Variants in SFI1 observed in about 807,000 individuals in gnomAD.
SFI1 encodes SFI1 centrin binding protein, also known as protein SFI1 homolog.
Under a neutral mutation model 207.5 loss-of-function variants are expected in SFI1, and 195 were observed. The observed-to-expected ratio is 0.94, with a 90% CI of 0.84 to 1.06. SFI1 has a LOEUF of 1.06. Among genes scored for constraint, SFI1 ranks in the 50% least tolerant of loss-of-function variants. SFI1 has a pLI of 0.00. For missense variants in SFI1, 1,634 were observed against 1,588.0 expected (o/e 1.03, Z -0.49); for synonymous variants, 630 against 598.9 (o/e 1.05, Z -0.76).
intron 29 of SFI1, 60 bp downstream of exon 29, chr22:31,615,339 GC>G: frequency 7.4e-7 from 1 of 1,356,460 alleles, no homozygotes; most frequent in South Asian, 1.7e-5. Flanking sequence ...GACTTCTGGT[GC>G]TTTCTCATGC....
At chr22:31,611,409 C>A in intron 23 of SFI1, 106 bp downstream of exon 23, 2 of 1,357,758 alleles carry the variant, frequency 1.5e-6, no homozygotes, top group Non-Finnish European at 2.0e-6. Context: ...GCACTCCATG[C>A]AGCCGGTATG....
chr22:31,530,170 T>G (rs1324943040), intron 3 of SFI1, among the ~76,000 whole-genome samples: 1 of 9,862 alleles, frequency 1.0e-4, no homozygotes, highest in Non-Finnish European at 2.1e-4. Context: ...AGACTCCATC[T>G]CAAAAAAAAA....
At position 31,546,903 on chromosome 22, in the gene SFI1, A is replaced by C. The variant is rs1443393691; in HGVS notation, c.381A>C (p.Glu127Asp). Residue 127 changes from glutamate (E) to aspartate (D), a missense_variant, in exon 5 of 33, where the codon GAA (glutamate) becomes GAC (aspartate). Physicochemically the swap from Glu to Asp is conservative, Grantham distance 45. Coordinates refer to ENST00000400288, the MANE Select transcript of SFI1 (RefSeq NM_001007467.3). ...EQRLLRKVFE[E>D]WKEEWWVFQH... ...GATTACTACGGAAGGTCTTCGAAGA[A>C]TGGAAAGAGGAGTGGTGGGTTTTCC... 6.2e-7 allele frequency: 1 copy of C among 1,612,664 alleles called. No individual in the cohort carries two copies. The highest frequency in any genetic ancestry group is 1.7e-5 in the Admixed American group (1 of 59,828).
At chr22:31,538,718 A>G (rs1036962442) in intron 4 of SFI1, 1 of 152,200 alleles carries the variant, frequency 6.6e-6, no homozygotes, top group Non-Finnish European at 1.5e-5. Flanking sequence ...TTCTTCTCCC[A>G]GGTTCTAGTT....
At chr22:31,500,860 C>T (rs1022838093) in intron 1 of SFI1, among the ~76,000 whole-genome samples, 2 of 150,814 alleles carry the variant, frequency 1.3e-5, no homozygotes, top group South Asian at 2.1e-4. Context: ...AATGCAATGG[C>T]GTGATCTCGG....
chr22:31,505,022 C>T (rs183653701), intron 1 of SFI1, among the ~76,000 whole-genome samples: 213 of 152,008 alleles, frequency 1.4e-3, no homozygotes, highest in Middle Eastern at 0.01. Flanking sequence ...ACAATTCAAC[C>T]CACAACACTG....
chr22:31,572,802 A>T (rs2063089402), intron 8 of SFI1: 1 of 302,406 alleles, frequency 3.3e-6, no homozygotes, highest in South Asian at 6.1e-5. Flanking sequence ...TGCACCAGCC[A>T]TCTGCTTTCT....
chr22:31,605,065 C>G (rs1042230923), intron 20 of SFI1, 120 bp downstream of exon 20: 3 of 808,846 alleles, frequency 3.7e-6, no homozygotes, highest in Non-Finnish European at 5.7e-6. Flanking sequence ...TTCCTAGTCG[C>G]TAATATCATG....
intron 9 of SFI1, 116 bp downstream of exon 9, chr22:31,573,330 TA>T: frequency 9.2e-7 from 1 of 1,084,648 alleles, no homozygotes. Context: ...GAAATTTTGG[TA>T]AAAGGAGATT....
At chr22:31,568,531 C>CAAAAAAAAA (rs60447566) in intron 8 of SFI1, among the ~76,000 whole-genome samples, 1 of 37,430 alleles carries the variant, frequency 2.7e-5, no homozygotes, top group Admixed American at 3.5e-4. Flanking sequence ...GACCCTGTCT[C>CAAAAAAAAA]AAAAAAAAAA....
At chr22:31,615,001 A>AG (rs746775832) in intron 28 of SFI1, 47 bp from the exon 29 acceptor site, 2 of 1,594,518 alleles carry the variant, frequency 1.3e-6, no homozygotes, top group Non-Finnish European at 1.7e-6. Flanking sequence ...TTGGTCCCAG[A>AG]GGAGGGTCCT....
chr22:31,551,305 C>G (rs894928900), intron 6 of SFI1, among the ~76,000 whole-genome samples: 2 of 152,154 alleles, frequency 1.3e-5, no homozygotes, highest in African/African-American at 4.8e-5. Context: ...CCTTGACACA[C>G]TGGATGTGCA....
chr22:31,579,924 G>C (rs1460634563), intron 11 of SFI1, among the ~76,000 whole-genome samples: 2 of 152,220 alleles, frequency 1.3e-5, no homozygotes, highest in Admixed American at 1.3e-4. Flanking sequence ...CAAAAAGTCT[G>C]TCTTCTCCTG....
chr22:31,592,852 G>C (rs1160731185), intron 15 of SFI1, among the ~76,000 whole-genome samples: 3 of 137,642 alleles, frequency 2.2e-5, no homozygotes, highest in East Asian at 2.2e-4. Flanking sequence ...TGGCCAGGCG[G>C]GGGGGCTGAC....
intron 15 of SFI1, among the ~76,000 whole-genome samples, chr22:31,595,785 C>A (rs1251960592): frequency 6.6e-6 from 1 of 152,124 alleles, no homozygotes; most frequent in East Asian, 1.9e-4. Flanking sequence ...GAGGCCCAGA[C>A]TGAAGAGATT....
chr22:31,581,834 A>G (rs1201641506), intron 12 of SFI1, among the ~76,000 whole-genome samples: 2 of 152,062 alleles, frequency 1.3e-5, no homozygotes, highest in Non-Finnish European at 2.9e-5. Context: ...AATATTTGCT[A>G]TGTTTGCCTC....
chr22:31,556,028 T>C (rs1444528878), intron 6 of SFI1, among the ~76,000 whole-genome samples: 1 of 152,180 alleles, frequency 6.6e-6, no homozygotes, highest in East Asian at 1.9e-4. Flanking sequence ...GTGGTGACTT[T>C]CATAATGAAA....
intron 2 of SFI1, among the ~76,000 whole-genome samples, chr22:31,517,454 C>T (rs531175754): frequency 2.0e-5 from 3 of 151,792 alleles, no homozygotes; most frequent in East Asian, 3.9e-4. Flanking sequence ...CATCGCACTG[C>T]CCAAGCTGGT....
intron 1 of SFI1, chr22:31,497,359 C>G (rs1266090380): frequency 6.6e-6 from 1 of 152,180 alleles, no homozygotes; most frequent in Non-Finnish European, 1.5e-5. Flanking sequence ...GTAACTATCG[C>G]TATATTTCAA....
Sources: allele counts gnomAD v4.1 joint callset (sites outside exome capture counted in the v4.1 genomes callset), GRCh38; gene constraint gnomAD v4.1.1; transcripts MANE v1.5; gene names NCBI Gene and HGNC (gene_info 2026-07-23, HGNC 2026-07-21).